FAM149B1: variants seen among roughly 807,000 people sequenced by gnomAD.
The protein encoded by FAM149B1 is family with sequence similarity 149 member B1, also known as primary cilium assembly protein FAM149B1.
FAM149B1 carries 56 observed loss-of-function variants against 75.3 expected under a neutral mutation model. The observed-to-expected ratio is 0.74, with a 90% CI of 0.60 to 0.93. The LOEUF is 0.93. FAM149B1 is among the 40% of genes least tolerant of loss of function. The pLI is 0.00. For synonymous variants in FAM149B1, 259 were observed against 256.1 expected, an observed-to-expected ratio of 1.01 and a Z score of -0.11; for missense variants, 639 against 708.4, an observed-to-expected ratio of 0.90 and a Z score of 1.11.
intron 3 of FAM149B1, 146 bp from the exon 4 acceptor site, chr10:73,192,410 T>A: frequency 1.3e-6 from 1 of 746,442 alleles, no homozygotes; most frequent in Non-Finnish European, 2.1e-6. Context: ...ACTCACTAAT[T>A]TAACTTTTCT....
chr10:73,191,390 G>A (rs1310609169), intron 3 of FAM149B1, among the ~76,000 whole-genome samples: 1 of 147,982 alleles, frequency 6.8e-6, no homozygotes, highest in Non-Finnish European at 1.5e-5. Flanking sequence ...AGGCAGGAGT[G>A]CAATAGCACA....
At chr10:73,229,367 G>A (rs527413773) in intron 8 of FAM149B1, among the ~76,000 whole-genome samples, 1 of 152,184 alleles carries the variant, frequency 6.6e-6, no homozygotes, top group African/African-American at 2.4e-5. Flanking sequence ...TTGAGGCCAG[G>A]AGTTCAAGAC....
At chr10:73,202,996 A>C (rs191171458) in intron 5 of FAM149B1, among the ~76,000 whole-genome samples, 2 of 152,132 alleles carry the variant, frequency 1.3e-5, no homozygotes, top group African/African-American at 4.8e-5. Context: ...AGAGAAGTTT[A>C]CTTCTTTTTA....
intron 7 of FAM149B1, among the ~76,000 whole-genome samples, chr10:73,220,600 A>C (rs539588467): frequency 1.3e-5 from 2 of 152,184 alleles, no homozygotes; most frequent in Non-Finnish European, 2.9e-5. Context: ...TCATATGTTG[A>C]AACCCTAACC....
intron 3 of FAM149B1, among the ~76,000 whole-genome samples, chr10:73,180,549 C>G (rs890595726): frequency 6.6e-6 from 1 of 152,230 alleles, no homozygotes; most frequent in African/African-American, 2.4e-5. Flanking sequence ...AAACGTCATA[C>G]AGATGTTTCC....
At chr10:73,220,920 C>G (rs1365589534) in intron 7 of FAM149B1, among the ~76,000 whole-genome samples, 1 of 152,174 alleles carries the variant, frequency 6.6e-6, no homozygotes, top group Admixed American at 6.5e-5. Context: ...GACTAGTACA[C>G]CATGCAATGG....
chr10:73,222,399 C>G (rs1470325325), intron 7 of FAM149B1, among the ~76,000 whole-genome samples: 1 of 152,158 alleles, frequency 6.6e-6, no homozygotes, highest in Non-Finnish European at 1.5e-5. Context: ...TCCACGTGAG[C>G]AGCAAGTACT....
chr10:73,177,200 T>C (rs1181599092), intron 2 of FAM149B1, among the ~76,000 whole-genome samples: 1 of 151,754 alleles, frequency 6.6e-6, no homozygotes, highest in Non-Finnish European at 1.5e-5. Context: ...CGAGACCCCA[T>C]CTCAAAAAAT....
At chr10:73,231,023 A>G (rs1163567089) in intron 9 of FAM149B1, 1 of 153,292 alleles carries the variant, frequency 6.5e-6, no homozygotes, top group East Asian at 1.9e-4. Context: ...GATCAAAGAT[A>G]ATTGACAATC....
chr10:73,183,759 T>A (rs569351452), intron 3 of FAM149B1, among the ~76,000 whole-genome samples: 73 of 152,342 alleles, frequency 4.8e-4, no homozygotes, highest in Middle Eastern at 6.8e-3. Flanking sequence ...CAATTATTCA[T>A]GAAAATCAAT....
chr10:73,215,953 T>G (rs1045713862), intron 7 of FAM149B1, among the ~76,000 whole-genome samples: 3 of 152,234 alleles, frequency 2.0e-5, no homozygotes, highest in Admixed American at 1.3e-4. Context: ...TGTCCAATAT[T>G]TCTTTGTTTT....
chr10:73,206,918 A>C (rs569854211), intron 5 of FAM149B1, among the ~76,000 whole-genome samples: 9 of 151,262 alleles, frequency 5.9e-5, no homozygotes, highest in South Asian at 2.1e-4. Context: ...CTGTCTCAAA[A>C]AAACAAACAA....
chr10:73,233,081 C>T lies in FAM149B1; in HGVS notation c.1270C>T (p.Arg424Ter), dbSNP rs376018524. The T allele has an allele frequency of 3.8e-5, 59 of 1,551,598 alleles. No homozygotes were observed. The highest frequency in any genetic ancestry group is 5.5e-5 in the African/African-American group (4 of 73,014). Residue 424 changes from arginine (R) to a stop codon, truncating the protein, a stop_gained, in exon 10 of 14, where the codon CGA becomes TGA. Coordinates refer to ENST00000242505, the MANE Select transcript of FAM149B1 (RefSeq NM_173348.2). LOFTEE classifies it high-confidence loss of function. ...QSTRRRNPPP[R>*]TLHPISTSHS... ...CACCAGGAGACGCAATCCACCACCA[C>T]GAACTCTTCATCCGATCAGCACGAG...
At position 73,244,213 on chromosome 10, in the gene FAM149B1, AGGCCGGGTATGGT is replaced by A. The variant is rs1400608456; in HGVS notation, c.*3198_*3210del. ...TCACATGATGATAAAAAGGAACATG[AGGCCGGGTATGGT>A]GGCTCACAACTGTAATCCCCATACC... On this transcript the variant is annotated 3_prime_UTR_variant, in exon 14 of 14. Transcript: ENST00000242505. 5.3e-6 allele frequency: 2 copies of A among 375,352 alleles called. No individual in the cohort carries two copies. Among genetic ancestry groups the A allele is most frequent in the Non-Finnish European group, 4.8e-6 (1 of 207,440 alleles). The allele number at this position is 375,352 out of a possible 1,614,324, so 23.3% of individuals were successfully genotyped here.
rs772011416 is a variant in FAM149B1 at position 73,233,039 on chromosome 10, T to C, written c.1228T>C (p.Ser410Pro). The change falls in exon 10 of 14, where the codon TCA (serine) becomes CCA (proline). Residue 410 changes from serine (S) to proline (P), a missense_variant. By Grantham distance (74) the Ser-to-Pro change is moderately conservative (BLOSUM62 -1). Transcript: ENST00000242505. ...TGTGGAGTTTAGTACATCATCTCTGTCATACACAGTGCAGTCCACCAGGAG... is the reference window on the plus strand; with the variant it reads ...TGTGGAGTTTAGTACATCATCTCTGCCATACACAGTGCAGTCCACCAGGAG... ...RAVEFSTSSL[S>P]YTVQSTRRRN... 11 of 1,551,686 alleles carry C rather than the reference T, an allele frequency of 7.1e-6. No homozygotes were observed. Among genetic ancestry groups the C allele is most frequent in the Non-Finnish European group, 9.6e-6 (11 of 1,146,872 alleles).
chr10:73,177,223 G>T (rs1031688090), intron 2 of FAM149B1, among the ~76,000 whole-genome samples: 6 of 151,860 alleles, frequency 4.0e-5, no homozygotes, highest in Non-Finnish European at 8.8e-5. Context: ...AAAATAAAAA[G>T]TGCCATACAA....
intron 5 of FAM149B1, among the ~76,000 whole-genome samples, chr10:73,208,195 G>T (rs1017490752): frequency 1.3e-5 from 2 of 152,182 alleles, no homozygotes; most frequent in Non-Finnish European, 2.9e-5. Context: ...TCTTGCTCCT[G>T]CTCCCACTTA....
In FAM149B1 at chr10:73,209,148, T is replaced by C. The variant is rs537762877; in HGVS notation, c.710+362T>C. Among the ~76,000 whole-genome samples the C allele has an allele frequency of 2.2e-4, 34 of 152,288 alleles. 1 individual carries two copies. In the South Asian group the frequency reaches 5.2e-3, roughly 23 times the overall value. ...ATGGACTTTGTTTACATAAATTCTG[T>C]TTGAAAAATGTATATACAGGCTGGG... On this transcript the variant is annotated intron_variant, in intron 6 of 13. Coordinates refer to ENST00000242505, the MANE Select transcript of FAM149B1 (RefSeq NM_173348.2).
At chr10:73,181,009 C>CTTTTT (rs558040188) in intron 3 of FAM149B1, among the ~76,000 whole-genome samples, 1 of 137,720 alleles carries the variant, frequency 7.3e-6, no homozygotes, top group Non-Finnish European at 1.6e-5. Flanking sequence ...TTTTCTAGTT[C>CTTTTT]TTTTTTTTTT....
Sources: allele counts gnomAD v4.1 joint callset (sites outside exome capture counted in the v4.1 genomes callset), GRCh38; gene constraint gnomAD v4.1.1; transcripts MANE v1.5; gene names NCBI Gene and HGNC (gene_info 2026-07-23, HGNC 2026-07-21).